Variants in RORB observed in about 807,000 individuals in gnomAD.
RORB encodes the protein RAR related orphan receptor B.
A neutral mutation model predicts 59.1 loss-of-function variants in RORB; 6 were observed. The ratio of observed to expected loss-of-function variants is 0.10; its 90% CI spans 0.06 to 0.20. The LOEUF is 0.20. Ranked by LOEUF, RORB falls within the 10% of genes least tolerant of loss-of-function variation. The pLI is 1.00. For synonymous variants in RORB, 215 were observed against 204.5 expected, an observed-to-expected ratio of 1.05 and a Z score of -0.44; for missense variants, 320 against 560.5, an observed-to-expected ratio of 0.57 and a Z score of 4.33.
intron 4 of RORB, among the ~76,000 whole-genome samples, chr9:74,655,427 A>G (rs542206526): frequency 6.6e-5 from 10 of 152,340 alleles, no homozygotes; most frequent in African/African-American, 2.4e-4. Context: ...TAGTCAAAGA[A>G]GCCAACAAAA....
chr9:74,611,719 C>T (rs1003131876), intron 1 of RORB, among the ~76,000 whole-genome samples: 1 of 152,156 alleles, frequency 6.6e-6, no homozygotes, highest in Non-Finnish European at 1.5e-5. Flanking sequence ...GCAATCTTGG[C>T]TCACCGCAAC....
At chr9:74,606,656 A>G (rs1823153760) in intron 1 of RORB, among the ~76,000 whole-genome samples, 1 of 152,194 alleles carries the variant, frequency 6.6e-6, no homozygotes, top group Non-Finnish European at 1.5e-5. Flanking sequence ...TCTCCTGGTG[A>G]GTATGTTCCT....
At chr9:74,586,016 A>G (rs888800630) in intron 1 of RORB, among the ~76,000 whole-genome samples, 2 of 151,734 alleles carry the variant, frequency 1.3e-5, no homozygotes, top group East Asian at 1.9e-4. Context: ...GGATGGTCTC[A>G]ATCTCCTGAC....
intron 1 of RORB, among the ~76,000 whole-genome samples, chr9:74,585,855 A>T (rs1009961126): frequency 6.7e-6 from 1 of 149,320 alleles, no homozygotes; most frequent in Admixed American, 6.7e-5. Context: ...AGTGCAGTGG[A>T]GCGATCTCGG....
rs761449188 is a variant in RORB at position 74,665,472 on chromosome 9, T to C, written c.893-16T>C. 2.7e-6 allele frequency: 4 copies of C among 1,491,098 alleles called. No individual in the cohort carries two copies. The highest frequency in any genetic ancestry group is 2.8e-6 in the Non-Finnish European group (3 of 1,088,238). 92.4% of individuals were successfully genotyped at this position (1,491,098 alleles called of 1,614,324 possible). On this transcript the variant is annotated splice_polypyrimidine_tract_variant and intron_variant, in intron 6 of 9. Coordinates refer to ENST00000376896, the MANE Select transcript of RORB (RefSeq NM_006914.4). ...TGTATTTTTATTTTATTTTTATTTT[T>C]ATTTTTTACTCATAGGTTGCTTGGA...
At chr9:74,502,920 C>G (rs1825820994) in intron 1 of RORB, among the ~76,000 whole-genome samples, 1 of 151,906 alleles carries the variant, frequency 6.6e-6, no homozygotes, top group Non-Finnish European at 1.5e-5. Flanking sequence ...TAAGACTAAA[C>G]TACTTCTGTA....
At chr9:74,518,150 G>A (rs755323396) in intron 1 of RORB, among the ~76,000 whole-genome samples, 1 of 151,952 alleles carries the variant, frequency 6.6e-6, no homozygotes, top group Non-Finnish European at 1.5e-5. Flanking sequence ...CTTTTCTGGG[G>A]TACACCTCCC....
chr9:74,630,500 T>G, intron 2 of RORB, 133 bp downstream of exon 2: 168 of 388,198 alleles, frequency 4.3e-4, no homozygotes, highest in East Asian at 8.1e-4. Context: ...CAGGAATTCT[T>G]GCGTGGTGGG....
Position 74,662,512 on chromosome 9 carries a change from C to G in RORB, c.798C>G (p.Ile266Met). The change falls in exon 6 of 10, where the codon ATC (isoleucine) becomes ATG (methionine). Residue 266 changes from isoleucine to methionine, a missense_variant. Ile to Met is a conservative substitution (Grantham distance 10, BLOSUM62 1). Transcript: ENST00000376896. ...EALWQQCAIQ[I>M]THAIQYVVEF... Reference sequence around the variant, plus strand: ...TGTGGCAACAATGTGCCATCCAGATCACTCACGCCATCCAATACGTGGTGG... The same window carrying G: ...TGTGGCAACAATGTGCCATCCAGATGACTCACGCCATCCAATACGTGGTGG... The G allele has an allele frequency of 6.2e-7, 1 of 1,614,072 alleles. No homozygotes were observed. Among genetic ancestry groups the G allele is most frequent in the Non-Finnish European group, 8.5e-7 (1 of 1,179,950 alleles).
At chr9:74,642,348 G>T in intron 3 of RORB, 66 bp from the exon 4 acceptor site, 1 of 1,490,358 alleles carries the variant, frequency 6.7e-7, no homozygotes, top group Non-Finnish European at 9.1e-7. Flanking sequence ...ATGACCCGTT[G>T]TACCTGAGGT....
chr9:74,611,051 G>A (rs990327634), intron 1 of RORB, among the ~76,000 whole-genome samples: 3 of 152,152 alleles, frequency 2.0e-5, no homozygotes, highest in Admixed American at 2.0e-4. Context: ...GCAGCTGTGG[G>A]TGGTTGGAGA....
At chr9:74,618,431 A>G (rs1166389526) in intron 1 of RORB, among the ~76,000 whole-genome samples, 1 of 152,154 alleles carries the variant, frequency 6.6e-6, no homozygotes, top group Non-Finnish European at 1.5e-5. Context: ...AGAAGATATG[A>G]TGTCACTTTT....
chr9:74,548,095 C>G (rs991059381), intron 1 of RORB, among the ~76,000 whole-genome samples: 2 of 152,208 alleles, frequency 1.3e-5, no homozygotes, highest in Admixed American at 1.3e-4. Flanking sequence ...TGTGAGAAAG[C>G]ACTCAAAAAA....
chr9:74,540,932 A>G (rs1164803038), intron 1 of RORB, among the ~76,000 whole-genome samples: 1 of 152,148 alleles, frequency 6.6e-6, no homozygotes, highest in Non-Finnish European at 1.5e-5. Flanking sequence ...TAGTGTTTGT[A>G]TCGTGTTGTA....
chr9:74,580,364 C>T (rs187725607), intron 1 of RORB, among the ~76,000 whole-genome samples: 4 of 152,204 alleles, frequency 2.6e-5, no homozygotes, highest in African/African-American at 4.8e-5. Flanking sequence ...CCCAATGTTA[C>T]CTTTTGCCAA....
intron 1 of RORB, among the ~76,000 whole-genome samples, chr9:74,528,710 C>T (rs2118090507): frequency 6.6e-6 from 1 of 152,078 alleles, no homozygotes; most frequent in Admixed American, 6.6e-5. Context: ...TAATGTTGCA[C>T]TAGCTTTTAT....
chr9:74,647,358 G>A (rs1285886545), intron 4 of RORB, among the ~76,000 whole-genome samples: 1 of 152,160 alleles, frequency 6.6e-6, no homozygotes, highest in East Asian at 1.9e-4. Context: ...CATTTAAGCT[G>A]GAAGTGATTG....
intron 9 of RORB, among the ~76,000 whole-genome samples, chr9:74,673,275 A>C (rs1317220237): frequency 6.6e-6 from 1 of 152,162 alleles, no homozygotes. Flanking sequence ...CATCTTGTTA[A>C]TTAATGTGGA....
At chr9:74,566,471 ATCT>A (rs757081022) in intron 1 of RORB, among the ~76,000 whole-genome samples, 17 of 152,054 alleles carry the variant, frequency 1.1e-4, no homozygotes, top group Non-Finnish European at 2.1e-4. Context: ...GGTTCTTTAC[ATCT>A]TCTTCTCCAA....
Sources: allele counts gnomAD v4.1 joint callset (sites outside exome capture counted in the v4.1 genomes callset), GRCh38; gene constraint gnomAD v4.1.1; transcripts MANE v1.5; gene names NCBI Gene and HGNC (gene_info 2026-07-23, HGNC 2026-07-21).